DNAJC6: variants seen among roughly 807,000 people sequenced by gnomAD.
DNAJC6 encodes DnaJ heat shock protein family (Hsp40) member C6.
In DNAJC6, 34 loss-of-function variants were observed where a neutral mutation model predicts 110.0. That is an observed-to-expected ratio of 0.31 (90% CI 0.24 to 0.41). DNAJC6 has a LOEUF of 0.41. DNAJC6 is among the 10% of genes least tolerant of loss of function. DNAJC6 has a pLI of 1.00. For missense variants in DNAJC6, 1,031 were observed against 1,207.8 expected (o/e 0.85, Z 2.17); for synonymous variants, 406 against 437.2 (o/e 0.93, Z 0.89).
intron 1 of DNAJC6, among the ~76,000 whole-genome samples, chr1:65,352,656 G>T (rs1051893235): frequency 3.3e-5 from 5 of 152,160 alleles, no homozygotes; most frequent in Non-Finnish European, 5.9e-5. Context: ...CCCTTACCTT[G>T]ATCTTGTAAA....
chr1:65,357,300 C>T (rs1021205502), intron 1 of DNAJC6, among the ~76,000 whole-genome samples: 9 of 152,078 alleles, frequency 5.9e-5, no homozygotes, highest in African/African-American at 1.4e-4. Context: ...CTTTATCAGT[C>T]GTCTCTCCAA....
At chr1:65,309,518 C>A, upstream of DNAJC6, 1 of 1,161,986 alleles carries the variant, frequency 8.6e-7, no homozygotes, top group Non-Finnish European at 1.1e-6. Context: ...CGTCTCCTTC[C>A]CTCCCTCCCT....
intron 1 of DNAJC6, among the ~76,000 whole-genome samples, chr1:65,302,523 CTTTTTTTTTTT>C (rs1169755787): frequency 1.8e-4 from 15 of 85,328 alleles, no homozygotes; most frequent in African/African-American, 6.2e-4. Context: ...CTCTTCCTTT[CTTTTTTTTTTT>C]TTTTTTTTTT....
chr1:65,289,236 C>T (rs376773402), intron 1 of DNAJC6, among the ~76,000 whole-genome samples: 3 of 152,072 alleles, frequency 2.0e-5, no homozygotes, highest in Non-Finnish European at 2.9e-5. Flanking sequence ...CGCTCTGTTA[C>T]CTAGGCTGGA....
intron 17 of DNAJC6, among the ~76,000 whole-genome samples, chr1:65,409,842 A>G (rs1306863038): frequency 6.6e-6 from 1 of 152,116 alleles, no homozygotes; most frequent in Non-Finnish European, 1.5e-5. Flanking sequence ...AAATCAACAT[A>G]CTTTTTTCCT....
rs770718853 is a variant in DNAJC6, at chr1:65,392,703, C to T, written c.1741C>T (p.Leu581=). Residue 581 remains leucine, a synonymous_variant, in exon 12 of 19, where the codon CTG becomes TTG. Coordinates refer to ENST00000371069, the MANE Select transcript of DNAJC6 (RefSeq NM_001256864.2). ...PAAPPTNSEL[L]SDLFGGGGAA... ...GGCTCCTCCCACCAATTCTGAACTA[C>T]TGAGTGACCTGTTTGGGGGTGGAGG... 1.2e-6 allele frequency: 2 copies of T among 1,612,784 alleles called. No individual in the cohort carries two copies. The highest frequency in any genetic ancestry group is 2.2e-5 in the East Asian group (1 of 44,876).
chr1:65,275,577 T>C (rs1432878300), intron 1 of DNAJC6, among the ~76,000 whole-genome samples: 1 of 152,204 alleles, frequency 6.6e-6, no homozygotes, highest in Non-Finnish European at 1.5e-5. Context: ...CTTGGGGTTT[T>C]CAGTCCTTCT....
At chr1:65,368,852 G>GCAACCT (rs1645678302) in intron 4 of DNAJC6, among the ~76,000 whole-genome samples, 1 of 146,436 alleles carries the variant, frequency 6.8e-6, no homozygotes, top group Non-Finnish European at 1.5e-5. Context: ...TTGGCTCACT[G>GCAACCT]CAACCTTCGC....
chr1:65,342,929 C>T (rs1645402872), intron 1 of DNAJC6, among the ~76,000 whole-genome samples: 1 of 152,224 alleles, frequency 6.6e-6, no homozygotes, highest in African/African-American at 2.4e-5. Context: ...TCTCTTCTCG[C>T]TAAGCTCTTC....
intron 16 of DNAJC6, among the ~76,000 whole-genome samples, chr1:65,406,911 C>A (rs2101636805): frequency 6.6e-6 from 1 of 152,266 alleles, no homozygotes; most frequent in Admixed American, 6.5e-5. Context: ...AAAGGCAATT[C>A]TTATGCTCTT....
At chr1:65,362,289 A>G (rs1645605424) in intron 1 of DNAJC6, among the ~76,000 whole-genome samples, 1 of 152,224 alleles carries the variant, frequency 6.6e-6, no homozygotes, top group African/African-American at 2.4e-5. Context: ...ATGACTGAAT[A>G]TAGATAAAAT....
chr1:65,281,173 C>T (rs532965266), intron 1 of DNAJC6, among the ~76,000 whole-genome samples: 2 of 152,128 alleles, frequency 1.3e-5, no homozygotes, highest in Non-Finnish European at 2.9e-5. Flanking sequence ...GTGATGTGCC[C>T]ACCTTGGCCT....
intron 1 of DNAJC6, among the ~76,000 whole-genome samples, chr1:65,278,545 C>T (rs1653747628): frequency 6.6e-6 from 1 of 152,214 alleles, no homozygotes; most frequent in Non-Finnish European, 1.5e-5. Context: ...GTTACTTAAT[C>T]TGGCTGCTGG....
intron 18 of DNAJC6, among the ~76,000 whole-genome samples, chr1:65,412,680 T>C (rs1351511447): frequency 6.6e-6 from 1 of 152,176 alleles, no homozygotes. Flanking sequence ...TTGTGCTGCC[T>C]GATAAGCTCT....
intron 4 of DNAJC6, among the ~76,000 whole-genome samples, chr1:65,373,207 T>C (rs1570342215): frequency 6.6e-6 from 1 of 152,230 alleles, no homozygotes. Flanking sequence ...CATTCATCCA[T>C]TGGTAGGCAC....
At chr1:65,366,528 G>C (rs1645648123) in intron 4 of DNAJC6, among the ~76,000 whole-genome samples, 1 of 152,206 alleles carries the variant, frequency 6.6e-6, no homozygotes, top group South Asian at 2.1e-4. Context: ...CTGCCTTCAT[G>C]CTGTTACACT....
intron 4 of DNAJC6, among the ~76,000 whole-genome samples, chr1:65,368,363 A>G (rs1054438463): frequency 1.1e-5 from 1 of 89,378 alleles, no homozygotes; most frequent in Non-Finnish European, 2.0e-5. Flanking sequence ...TCATTGCCCA[A>G]AAATCATATG....
chr1:65,267,798 T>A (rs1426981055), intron 1 of DNAJC6, among the ~76,000 whole-genome samples: 1 of 152,112 alleles, frequency 6.6e-6, no homozygotes, highest in Non-Finnish European at 1.5e-5. Flanking sequence ...TTTCCAAGCC[T>A]AGTTCTTTGA....
chr1:65,333,202 T>A (rs1480823237), intron 1 of DNAJC6, among the ~76,000 whole-genome samples: 1 of 152,162 alleles, frequency 6.6e-6, no homozygotes, highest in Non-Finnish European at 1.5e-5. Flanking sequence ...TAGTGGGAAT[T>A]GAATAGTACA....
Sources: gnomAD v4.1 joint callset for allele counts (sites outside exome capture counted in the v4.1 genomes callset) on GRCh38, gnomAD v4.1.1 for gene constraint, MANE v1.5 for transcripts, NCBI Gene and HGNC (gene_info 2026-07-23, HGNC 2026-07-21) for gene names.